The following NELL1 variants were observed in gnomAD, a reference collection of about 807,000 sequenced individuals.
The protein encoded by NELL1 is protein kinase C-binding protein NELL1.
In NELL1, 76 loss-of-function variants were observed where a neutral mutation model predicts 107.4. The observed-to-expected ratio is 0.71, with a 90% CI of 0.59 to 0.86. The LOEUF (loss-of-function observed/expected upper bound fraction) is 0.86, where lower values mean the gene tolerates loss of function less well. Ranked by LOEUF, NELL1 falls within the 40% of genes least tolerant of loss-of-function variation. NELL1 has a pLI of 0.00. For missense variants in NELL1, 1,024 were observed against 1,005.5 expected (o/e 1.02, Z -0.25); for synonymous variants, 353 against 341.2 (o/e 1.03, Z -0.38).
intron 13 of NELL1, among the ~76,000 whole-genome samples, chr11:21,197,467 C>T (rs1857180209): frequency 1.3e-5 from 2 of 151,638 alleles, no homozygotes; most frequent in Admixed American, 6.6e-5. Flanking sequence ...TTTTCTACTT[C>T]CTCTGTTGTT....
intron 12 of NELL1, among the ~76,000 whole-genome samples, chr11:21,107,473 A>G (rs1446607571): frequency 6.6e-6 from 1 of 152,184 alleles, no homozygotes; most frequent in Admixed American, 6.5e-5. Flanking sequence ...AAGTTATCTT[A>G]CCAGTCCATG....
intron 10 of NELL1, among the ~76,000 whole-genome samples, chr11:20,943,062 T>A (rs1850889102): frequency 6.6e-6 from 1 of 152,058 alleles, no homozygotes; most frequent in African/African-American, 2.4e-5. Flanking sequence ...ACTGTTTTTT[T>A]TTTTTTTAAT....
chr11:20,672,970 G>GCCCCCCCCC (rs10592573), intron 1 of NELL1, among the ~76,000 whole-genome samples: 2 of 100,844 alleles, frequency 2.0e-5, no homozygotes, highest in African/African-American at 8.2e-5. Flanking sequence ...TCCTGCCTCA[G>GCCCCCCCCC]CCCCCCCCCC....
In NELL1 at chr11:21,372,743, G is replaced by A. The variant is rs116341981; in HGVS notation, c.1645+1795G>A. 5.6e-3 allele frequency among the ~76,000 whole-genome samples: 848 copies of A among 152,020 alleles called. 10 individuals are homozygous for A. The highest frequency in any genetic ancestry group is 0.019 in the African/African-American group (802 of 41,480). Reference sequence around the variant, plus strand: ...AAGCACCTCAGGATATTTAACCATAGCAACTACTGTAACATTCTTATTTTT... The same window carrying A: ...AAGCACCTCAGGATATTTAACCATAACAACTACTGTAACATTCTTATTTTT... On this transcript the variant is annotated intron_variant, in intron 15 of 19. Coordinates refer to ENST00000357134, the MANE Select transcript of NELL1 (RefSeq NM_006157.5).
intron 12 of NELL1, among the ~76,000 whole-genome samples, chr11:21,045,839 C>T (rs976561583): frequency 2.0e-5 from 3 of 152,198 alleles, no homozygotes; most frequent in South Asian, 2.1e-4. Flanking sequence ...GTCATAAATG[C>T]CTTTCCACGT....
chr11:21,099,613 A>C (rs76092006), intron 12 of NELL1, among the ~76,000 whole-genome samples: 2,511 of 152,284 alleles, frequency 0.016, 66 homozygotes, highest in African/African-American at 0.057. Context: ...GTATTGAGGC[A>C]TAAGACGTGG....
intron 12 of NELL1, among the ~76,000 whole-genome samples, chr11:20,967,042 T>C (rs1431753954): frequency 6.6e-6 from 1 of 152,174 alleles, no homozygotes; most frequent in Non-Finnish European, 1.5e-5. Context: ...GTTTTGTTTT[T>C]GTTTTGTTTT....
At chr11:21,210,531 T>A (rs545190131) in intron 13 of NELL1, among the ~76,000 whole-genome samples, 1 of 152,290 alleles carries the variant, frequency 6.6e-6, no homozygotes, top group Non-Finnish European at 1.5e-5. Context: ...GTATCTTCTT[T>A]GGGGAAAAAG....
Position 21,525,474 on chromosome 11 carries a change from G to A in NELL1, c.1646-8900G>A, listed in dbSNP as rs141164508. ...CCATTTGCCTAATGAAGAACCCGAG[G>A]TACAAAGAGGTTCCTTAAACCTTTT... On this transcript the variant is annotated intron_variant, in intron 15 of 19. Transcript: ENST00000357134. 1.9e-3 allele frequency among the ~76,000 whole-genome samples: 293 copies of A among 152,284 alleles called. 6 individuals carry two copies. Among genetic ancestry groups the A allele is most frequent in the Middle Eastern group, 6.8e-3 (2 of 294 alleles).
chr11:20,931,888 C>T (rs1438667793), intron 9 of NELL1, among the ~76,000 whole-genome samples: 1 of 106,568 alleles, frequency 9.4e-6, no homozygotes, highest in Admixed American at 1.3e-4. Flanking sequence ...GGGTAGTATT[C>T]TAGGGACACC....
intron 15 of NELL1, among the ~76,000 whole-genome samples, chr11:21,418,387 G>C (rs1036037537): frequency 6.6e-6 from 1 of 152,044 alleles, no homozygotes; most frequent in African/African-American, 2.4e-5. Flanking sequence ...ATTTGCCTTA[G>C]TAGTAGTAAC....
chr11:21,448,870 T>C (rs1257818122), intron 15 of NELL1, among the ~76,000 whole-genome samples: 3 of 152,232 alleles, frequency 2.0e-5, no homozygotes, highest in African/African-American at 7.2e-5. Flanking sequence ...CTAGATTGTA[T>C]ATGTTTTGCT....
chr11:21,290,117 C>A (rs1849216463), intron 14 of NELL1, among the ~76,000 whole-genome samples: 1 of 152,108 alleles, frequency 6.6e-6, no homozygotes, highest in African/African-American at 2.4e-5. Context: ...CGCCTGTAAT[C>A]CCAGCACTTT....
intron 2 of NELL1, among the ~76,000 whole-genome samples, chr11:20,781,379 C>T (rs887995415): frequency 4.6e-5 from 7 of 151,612 alleles, no homozygotes; most frequent in Admixed American, 2.6e-4. Flanking sequence ...TGAAGGTGAA[C>T]GTTTGAATTT....
At chr11:20,850,218 T>C (rs561518171) in intron 4 of NELL1, among the ~76,000 whole-genome samples, 156 of 152,324 alleles carry the variant, frequency 1.0e-3, no homozygotes, top group Non-Finnish European at 1.1e-3. Context: ...CTCTGTCCCA[T>C]ATATCAAGAT....
In NELL1 at chr11:21,131,459, T is replaced by C. The variant is rs1197703305; in HGVS notation, c.1426+17745T>C. ...CTACATAGCCTCAGGCAAGTCATTT[T>C]AACTCTTTAGGCCTCAGTCATCATC... On this transcript the variant is annotated intron_variant, in intron 13 of 19. Coordinates refer to ENST00000357134, the MANE Select transcript of NELL1 (RefSeq NM_006157.5). 2.6e-5 allele frequency among the ~76,000 whole-genome samples: 4 copies of C among 152,202 alleles called. No homozygotes were observed. The East Asian group carries it at 7.7e-4, about 29-fold the overall frequency.
intron 13 of NELL1, among the ~76,000 whole-genome samples, chr11:21,188,890 T>C: frequency 6.6e-6 from 1 of 151,948 alleles, no homozygotes; most frequent in East Asian, 1.9e-4. Flanking sequence ...TGTGACCATA[T>C]TGGACCCATC....
intron 13 of NELL1, among the ~76,000 whole-genome samples, chr11:21,213,916 A>G (rs894174001): frequency 5.3e-5 from 8 of 152,196 alleles, no homozygotes; most frequent in Non-Finnish European, 1.2e-4. Context: ...CTAAGGTTAG[A>G]GAAGAGTTCT....
At chr11:20,895,014 G>C (rs1849696097) in intron 5 of NELL1, among the ~76,000 whole-genome samples, 1 of 143,340 alleles carries the variant, frequency 7.0e-6, no homozygotes, top group Non-Finnish European at 1.5e-5. Context: ...GCTCACGCCT[G>C]TAATCCCAGC....
Sources: gnomAD v4.1 joint callset for allele counts (sites outside exome capture counted in the v4.1 genomes callset) on GRCh38, gnomAD v4.1.1 for gene constraint, MANE v1.5 for transcripts, NCBI Gene and HGNC (gene_info 2026-07-23, HGNC 2026-07-21) for gene names.